Variants in NDST4 observed in about 807,000 individuals in gnomAD.
NDST4 encodes N-deacetylase and N-sulfotransferase 4.
A neutral mutation model predicts 100.8 loss-of-function variants in NDST4; 63 were observed. The observed-to-expected ratio is 0.62, with a 90% CI of 0.51 to 0.77. The LOEUF is 0.77. Among genes scored for constraint, NDST4 ranks in the 30% least tolerant of loss-of-function variants. The pLI, the probability that NDST4 is intolerant of heterozygous loss-of-function variation, is 0.00. For missense variants in NDST4, 943 were observed against 1,018.4 expected (o/e 0.93, Z 1.01); for synonymous variants, 377 against 361.8 (o/e 1.04, Z -0.48).
At chr4:114,859,708 G>A (rs181158540) in intron 7 of NDST4, among the ~76,000 whole-genome samples, 3 of 152,298 alleles carry the variant, frequency 2.0e-5, no homozygotes, top group Admixed American at 2.0e-4. Flanking sequence ...GGATGCAGGG[G>A]TACGGAAGAC....
rs1489438362 is a variant in NDST4, at chr4:114,827,905, C to G, written c.2530G>C (p.Asp844His). ...SRTFLSNYYR[D>H]HNVELSKLLH... The stretch of plus-strand genomic sequence containing the variant: ...AGTTTGGATAGTTCCACATTATGAT[C>G]TCGGTAGTAATTAGAGAGGAACGTT... Residue 844 changes from aspartate (D) to histidine (H), a missense_variant, in exon 14 of 14, where the codon GAT becomes CAT. Coordinates refer to ENST00000264363, the MANE Select transcript of NDST4 (RefSeq NM_022569.3). The G allele has an allele frequency of 6.2e-7, 1 of 1,609,422 alleles. No homozygotes were observed. Among genetic ancestry groups the G allele is most frequent in the Non-Finnish European group, 8.5e-7 (1 of 1,178,452 alleles).
At chr4:114,966,931 G>A (rs1445344190) in intron 4 of NDST4, among the ~76,000 whole-genome samples, 3 of 152,022 alleles carry the variant, frequency 2.0e-5, no homozygotes, top group East Asian at 1.9e-4. Context: ...TTACTATTTC[G>A]AGAGAGGAAA....
intron 5 of NDST4, among the ~76,000 whole-genome samples, chr4:114,935,962 A>G (rs556316867): frequency 1.3e-5 from 2 of 152,192 alleles, no homozygotes; most frequent in East Asian, 3.9e-4. Context: ...TGGTAATTTA[A>G]TGGACAAATG....
chr4:115,032,291 A>G (rs557531214), intron 2 of NDST4, among the ~76,000 whole-genome samples: 1 of 152,230 alleles, frequency 6.6e-6, no homozygotes, highest in East Asian at 1.9e-4. Context: ...CAGCAATAAC[A>G]TTGACTACAT....
chr4:114,993,218 T>G (rs1030821442), intron 2 of NDST4, among the ~76,000 whole-genome samples: 2 of 151,828 alleles, frequency 1.3e-5, no homozygotes, highest in Non-Finnish European at 2.9e-5. Context: ...CCTAGGATTT[T>G]TGGGAATATA....
At chr4:114,948,778 A>G (rs1725925475) in intron 4 of NDST4, among the ~76,000 whole-genome samples, 1 of 152,090 alleles carries the variant, frequency 6.6e-6, no homozygotes, top group Non-Finnish European at 1.5e-5. Context: ...ACTGCAGAGA[A>G]CTAAAGTGTC....
At chr4:114,950,793 AT>A (rs952186016) in intron 4 of NDST4, among the ~76,000 whole-genome samples, 58 of 150,482 alleles carry the variant, frequency 3.9e-4, no homozygotes, top group African/African-American at 1.3e-3. Context: ...TCAGTTGTTC[AT>A]TTTTTTTTCT....
chr4:114,878,843 T>G (rs1204750263), intron 6 of NDST4, among the ~76,000 whole-genome samples: 23 of 151,936 alleles, frequency 1.5e-4, no homozygotes, highest in Admixed American at 1.4e-3. Flanking sequence ...ATCTAATAGA[T>G]CATATCTTTT....
chr4:115,093,443 C>T (rs1729561177), intron 1 of NDST4, among the ~76,000 whole-genome samples: 1 of 151,760 alleles, frequency 6.6e-6, no homozygotes, highest in Non-Finnish European at 1.5e-5. Context: ...CCACTGCACT[C>T]CAGCCTGGGT....
chr4:115,083,284 C>T (rs913276031), intron 1 of NDST4, among the ~76,000 whole-genome samples: 6 of 151,944 alleles, frequency 3.9e-5, no homozygotes, highest in Non-Finnish European at 8.8e-5. Flanking sequence ...GATCTTGTCT[C>T]AACACAAAAG....
At position 114,950,374 on chromosome 4, in the gene NDST4, A is replaced by G. The variant is rs1444625340; in HGVS notation, c.1222-12871T>C. The stretch of plus-strand genomic sequence containing the variant: ...AGTAGGTCACCTATAGTAACTGATG[A>G]AAAATGTGCATTAGCTAAGAATTCA... On this transcript the variant is annotated intron_variant, in intron 4 of 13. Transcript: ENST00000264363. Among the ~76,000 whole-genome samples the G allele has an allele frequency of 2.6e-5, 4 of 152,056 alleles. No individual in the cohort carries two copies. In the South Asian group the frequency reaches 6.2e-4, roughly 24 times the overall value.
At chr4:115,065,573 A>G (rs371095114) in intron 2 of NDST4, among the ~76,000 whole-genome samples, 5 of 152,118 alleles carry the variant, frequency 3.3e-5, no homozygotes, top group East Asian at 1.9e-4. Context: ...AATATGCTCA[A>G]TGAATACCTT....
At chr4:114,933,416 T>A (rs897161071) in intron 6 of NDST4, among the ~76,000 whole-genome samples, 3 of 148,912 alleles carry the variant, frequency 2.0e-5, no homozygotes, top group African/African-American at 7.4e-5. Context: ...GGACTGGGAA[T>A]TGATTTTTTC....
Position 114,967,750 on chromosome 4 carries a change from T to G in NDST4, c.1221+2680A>C, listed in dbSNP as rs577419005. ...CATTTATGAGACATTTCCTAAAAGTTAAGTAAAAAATGACCCCTTGTAAAT... is the reference window on the plus strand; with the variant it reads ...CATTTATGAGACATTTCCTAAAAGTGAAGTAAAAAATGACCCCTTGTAAAT... On this transcript the variant is annotated intron_variant, in intron 4 of 13. Coordinates refer to ENST00000264363, the MANE Select transcript of NDST4 (RefSeq NM_022569.3). 2.6e-5 allele frequency among the ~76,000 whole-genome samples: 4 copies of G among 152,266 alleles called. No individual in the cohort carries two copies. The South Asian group carries it at 8.3e-4, about 32-fold the overall frequency.
At chr4:114,928,143 G>T (rs1725423173) in intron 6 of NDST4, among the ~76,000 whole-genome samples, 1 of 151,946 alleles carries the variant, frequency 6.6e-6, no homozygotes, top group Admixed American at 6.6e-5. Context: ...TCTTTCCTTG[G>T]CATGGTTTGG....
chr4:114,914,842 C>T (rs965945177), intron 6 of NDST4, among the ~76,000 whole-genome samples: 3 of 151,996 alleles, frequency 2.0e-5, no homozygotes, highest in African/African-American at 7.2e-5. Flanking sequence ...TGCTTGTTTC[C>T]CTTTAATGTT....
chr4:114,896,448 C>T (rs1724714367), intron 6 of NDST4, among the ~76,000 whole-genome samples: 1 of 151,526 alleles, frequency 6.6e-6, no homozygotes, highest in Non-Finnish European at 1.5e-5. Context: ...ATGGTGAAAC[C>T]CCGTCTCTAC....
chr4:115,072,200 A>G (rs1473477347), intron 2 of NDST4, among the ~76,000 whole-genome samples: 1 of 152,098 alleles, frequency 6.6e-6, no homozygotes, highest in African/African-American at 2.4e-5. Flanking sequence ...GAAGGACTTG[A>G]AGAAGGCACC....
chr4:115,030,563 T>C (rs1728093186), intron 2 of NDST4, among the ~76,000 whole-genome samples: 1 of 152,078 alleles, frequency 6.6e-6, no homozygotes, highest in Admixed American at 6.6e-5. Context: ...AGTCAGACTT[T>C]TGGGAAGAAA....
Sources: allele counts gnomAD v4.1 joint callset (sites outside exome capture counted in the v4.1 genomes callset), GRCh38; gene constraint gnomAD v4.1.1; transcripts MANE v1.5; gene names NCBI Gene and HGNC (gene_info 2026-07-23, HGNC 2026-07-21).